Variants in SEMA3C observed in about 807,000 individuals in gnomAD.
SEMA3C encodes semaphorin 3C, also known as semaphorin-3C.
A neutral mutation model predicts 89.4 loss-of-function variants in SEMA3C; 47 were observed. That is an observed-to-expected ratio of 0.53 (90% CI 0.42 to 0.67). The LOEUF is 0.67. Ranked by LOEUF, SEMA3C falls within the 30% of genes least tolerant of loss-of-function variation. The pLI is 0.00. For missense variants in SEMA3C, 839 were observed against 929.1 expected (o/e 0.90, Z 1.26); for synonymous variants, 310 against 320.2 (o/e 0.97, Z 0.34).
At chr7:80,920,442 GC>G (rs886739456), upstream of SEMA3C, among the ~76,000 whole-genome samples, 40 of 152,144 alleles carry the variant, frequency 2.6e-4, 1 homozygote, top group Admixed American at 6.5e-5. Context: ...CTCTGGGGGT[GC>G]AAAATCATTG....
Position 80,810,607 on chromosome 7 carries a change from T to C in SEMA3C, c.538+4A>G. ...TAATCCTCCCTCTTTCGTTGTCTAC[T>C]TACTGATCATAACAGACACCGTGTT... On this transcript the variant is annotated splice_donor_region_variant and intron_variant, in intron 6 of 17. Coordinates refer to ENST00000265361, the MANE Select transcript of SEMA3C (RefSeq NM_006379.5). 1 of 1,612,068 alleles carries C rather than the reference T, an allele frequency of 6.2e-7. No individual in the cohort carries two copies. Among genetic ancestry groups the C allele is most frequent in the Non-Finnish European group, 8.5e-7 (1 of 1,178,382 alleles).
intron 12 of SEMA3C, among the ~76,000 whole-genome samples, chr7:80,775,459 C>G (rs1788526207): frequency 6.6e-6 from 1 of 152,106 alleles, no homozygotes; most frequent in Non-Finnish European, 1.5e-5. Flanking sequence ...TATGTGATAT[C>G]TTACAGAGTA....
intron 4 of SEMA3C, among the ~76,000 whole-genome samples, chr7:80,824,168 T>C (rs1346219226): frequency 6.6e-6 from 1 of 152,148 alleles, no homozygotes; most frequent in Non-Finnish European, 1.5e-5. Flanking sequence ...TATTTTTGCT[T>C]TCAGTTGTTA....
intron 10 of SEMA3C, among the ~76,000 whole-genome samples, chr7:80,800,152 C>CAAA (rs1215573724): frequency 1.7e-5 from 1 of 58,394 alleles, no homozygotes. Flanking sequence ...GACTCCATCT[C>CAAA]AAAAAAAAAA....
intron 4 of SEMA3C, 27 bp downstream of exon 4, chr7:80,827,398 T>G (rs1562893718): frequency 4.3e-6 from 6 of 1,399,748 alleles, no homozygotes; most frequent in African/African-American, 3.2e-5. Context: ...TAGTGTTTTT[T>G]TTTTTTTTTT....
chr7:80,778,266 GTTTCTA>G (rs1429349664), intron 12 of SEMA3C, among the ~76,000 whole-genome samples: 2 of 152,082 alleles, frequency 1.3e-5, no homozygotes, highest in African/African-American at 4.8e-5. Context: ...ATTAAGAATT[GTTTCTA>G]TTTATATTTT....
intron 2 of SEMA3C, among the ~76,000 whole-genome samples, chr7:80,904,521 C>T (rs758305272): frequency 2.0e-5 from 3 of 152,132 alleles, no homozygotes; most frequent in Admixed American, 6.5e-5. Flanking sequence ...ACTCAAACTG[C>T]GTTACCACTA....
chr7:80,840,807 T>A (rs544848366), intron 2 of SEMA3C, among the ~76,000 whole-genome samples: 1 of 152,230 alleles, frequency 6.6e-6, no homozygotes, highest in African/African-American at 2.4e-5. Flanking sequence ...AATATTATAC[T>A]AAAATCACAG....
intron 2 of SEMA3C, among the ~76,000 whole-genome samples, chr7:80,837,303 C>T (rs540689727): frequency 2.6e-5 from 4 of 152,238 alleles, no homozygotes; most frequent in South Asian, 2.1e-4. Flanking sequence ...CGAGAATTAC[C>T]GTATTTTGTG....
At chr7:80,881,948 C>T (rs938300262) in intron 2 of SEMA3C, among the ~76,000 whole-genome samples, 9 of 151,842 alleles carry the variant, frequency 5.9e-5, no homozygotes, top group African/African-American at 1.9e-4. Context: ...ACTCATGCAA[C>T]GTTGTTGATT....
chr7:80,906,860 A>G (rs1583999154), intron 2 of SEMA3C, among the ~76,000 whole-genome samples: 1 of 152,114 alleles, frequency 6.6e-6, no homozygotes, highest in African/African-American at 2.4e-5. Context: ...GCCAAGCGGT[A>G]GGGGCTGCTT....
At chr7:80,875,415 A>C (rs1791176914) in intron 2 of SEMA3C, among the ~76,000 whole-genome samples, 1 of 152,184 alleles carries the variant, frequency 6.6e-6, no homozygotes, top group Admixed American at 6.5e-5. Context: ...TATTACTTAA[A>C]GACACATTTC....
Position 80,802,749 on chromosome 7 carries a change from T to C in SEMA3C, c.832A>G (p.Asn278Asp). The C allele has an allele frequency of 6.2e-7, 1 of 1,613,440 alleles. No individual in the cohort carries two copies. The highest frequency in any genetic ancestry group is 1.1e-5 in the South Asian group (1 of 91,068). ...NDTGGLRSLV[N>D]KWTTFLKARL... Reference sequence around the variant, plus strand: ...GCCTTTAAGAAAGTGGTCCACTTGTTGACAAGGCTACGCAGTCCACCAGTG... The same window carrying C: ...GCCTTTAAGAAAGTGGTCCACTTGTCGACAAGGCTACGCAGTCCACCAGTG... Residue 278 changes from asparagine (N) to aspartate (D), a missense_variant, in exon 9 of 18, where the codon AAC becomes GAC. Physicochemically the swap from Asn to Asp is conservative, Grantham distance 23. Coordinates refer to ENST00000265361, the MANE Select transcript of SEMA3C (RefSeq NM_006379.5).
chr7:80,856,293 T>C (rs945497008), intron 2 of SEMA3C, among the ~76,000 whole-genome samples: 84 of 152,026 alleles, frequency 5.5e-4, no homozygotes, highest in African/African-American at 2.0e-3. Context: ...CTGTTCATTC[T>C]CTTCTACATG....
intron 2 of SEMA3C, among the ~76,000 whole-genome samples, chr7:80,909,613 T>C (rs1792097237): frequency 6.6e-6 from 1 of 152,094 alleles, no homozygotes; most frequent in Non-Finnish European, 1.5e-5. Flanking sequence ...GAACATAAGA[T>C]TACTTTAATG....
chr7:80,838,059 T>G (rs1790174500), intron 2 of SEMA3C, among the ~76,000 whole-genome samples: 1 of 152,148 alleles, frequency 6.6e-6, no homozygotes, highest in Non-Finnish European at 1.5e-5. Context: ...AATATGAGCA[T>G]AAACCAATCA....
chr7:80,858,351 G>T (rs756896494), intron 2 of SEMA3C, among the ~76,000 whole-genome samples: 5 of 152,134 alleles, frequency 3.3e-5, no homozygotes, highest in Non-Finnish European at 7.4e-5. Flanking sequence ...ATGTTTGCCT[G>T]TATGGCTTCC....
intron 2 of SEMA3C, among the ~76,000 whole-genome samples, chr7:80,865,636 G>GA (rs538521693): frequency 5.3e-5 from 8 of 151,008 alleles, no homozygotes; most frequent in South Asian, 2.1e-4. Flanking sequence ...AAAAATGCAA[G>GA]AAAAAAAAAT....
chr7:80,745,676 T>C (rs1787784565), intron 17 of SEMA3C, among the ~76,000 whole-genome samples: 1 of 152,168 alleles, frequency 6.6e-6, no homozygotes, highest in Non-Finnish European at 1.5e-5. Context: ...TCATAGATAC[T>C]TTAAAATATC....
Sources: gnomAD v4.1 joint callset for allele counts (sites outside exome capture counted in the v4.1 genomes callset) on GRCh38, gnomAD v4.1.1 for gene constraint, MANE v1.5 for transcripts, NCBI Gene and HGNC (gene_info 2026-07-23, HGNC 2026-07-21) for gene names.